EPHA3: variants seen among roughly 807,000 people sequenced by gnomAD.
EPHA3 encodes ephrin type-A receptor 3.
Under a neutral mutation model 107.1 loss-of-function variants are expected in EPHA3, and 42 were observed. The ratio of observed to expected loss-of-function variants is 0.39; its 90% CI spans 0.31 to 0.51. The LOEUF (loss-of-function observed/expected upper bound fraction) is 0.51. Among genes scored for constraint, EPHA3 ranks in the 20% least tolerant of loss-of-function variants. The pLI is 0.78. For missense variants in EPHA3, 1,183 were observed against 1,211.2 expected, an observed-to-expected ratio of 0.98 and a Z score of 0.35; for synonymous variants, 461 against 424.8, an observed-to-expected ratio of 1.09 and a Z score of -1.05.
At position 89,481,573 on chromosome 3, in the gene EPHA3, T is replaced by C. The variant is rs1212422848; in HGVS notation, c.*2071T>C. 6 of 232,554 alleles carry C rather than the reference T, an allele frequency of 2.6e-5. No individual in the cohort carries two copies. The highest frequency in any genetic ancestry group is 1.3e-4 in the African/African-American group (6 of 45,330). The allele number at this position is 232,554 out of a possible 1,614,324, so 14.4% of individuals were successfully genotyped here. On this transcript the variant is annotated 3_prime_UTR_variant, in exon 17 of 17. Transcript: ENST00000336596. ...AACAAAACCCATGCATTTCATAAACTAATAGAAGTTGAGGATTGTTGAATC... is the reference window on the plus strand; with the variant it reads ...AACAAAACCCATGCATTTCATAAACCAATAGAAGTTGAGGATTGTTGAATC...
intron 2 of EPHA3, among the ~76,000 whole-genome samples, chr3:89,134,011 A>G (rs1275617495): frequency 3.4e-5 from 5 of 147,322 alleles, no homozygotes; most frequent in Non-Finnish European, 5.9e-5. Flanking sequence ...AGAAAATGAC[A>G]CTTCAAAACA....
intron 5 of EPHA3, among the ~76,000 whole-genome samples, chr3:89,392,600 T>TG (rs1192788176): frequency 1.3e-5 from 2 of 152,164 alleles, no homozygotes; most frequent in Non-Finnish European, 2.9e-5. Context: ...AGTTTTTTTT[T>TG]TCCATTTTGT....
chr3:89,345,287 A>G (rs1707618107), intron 5 of EPHA3, among the ~76,000 whole-genome samples: 1 of 151,284 alleles, frequency 6.6e-6, no homozygotes, highest in African/African-American at 2.4e-5. Context: ...ATATCTGAGA[A>G]GCTTTTTCAA....
At chr3:89,380,846 G>A (rs1429874744) in intron 5 of EPHA3, among the ~76,000 whole-genome samples, 2 of 149,752 alleles carry the variant, frequency 1.3e-5, no homozygotes, top group East Asian at 2.0e-4. Context: ...TTGGCTCACC[G>A]CAACCTCCGC....
intron 15 of EPHA3, among the ~76,000 whole-genome samples, chr3:89,454,142 C>T (rs1710052581): frequency 6.6e-6 from 1 of 151,998 alleles, no homozygotes; most frequent in African/African-American, 2.4e-5. Flanking sequence ...TATAAAAATG[C>T]CAGGTGATTT....
At chr3:89,256,966 G>C (rs536729714) in intron 3 of EPHA3, among the ~76,000 whole-genome samples, 8 of 152,220 alleles carry the variant, frequency 5.3e-5, no homozygotes, top group African/African-American at 1.9e-4. Context: ...TTTTTTTGCT[G>C]ATACAGATTG....
chr3:89,355,031 C>T (rs556192163), intron 5 of EPHA3, among the ~76,000 whole-genome samples: 1 of 151,140 alleles, frequency 6.6e-6, no homozygotes, highest in South Asian at 2.1e-4. Flanking sequence ...TTCAAAAGCA[C>T]CCTCTTGACA....
chr3:89,148,915 A>G (rs1301806393), intron 2 of EPHA3, among the ~76,000 whole-genome samples: 5 of 152,038 alleles, frequency 3.3e-5, no homozygotes, highest in Non-Finnish European at 5.9e-5. Flanking sequence ...ACATATTATT[A>G]TTTCATTGGA....
chr3:89,419,493 C>A, intron 11 of EPHA3, 103 bp downstream of exon 11: 1 of 989,414 alleles, frequency 1.0e-6, no homozygotes, highest in Non-Finnish European at 1.4e-6. Flanking sequence ...TCATAAGTAT[C>A]TCAGTTTTAC....
chr3:89,187,184 T>G (rs1424350595), intron 2 of EPHA3, among the ~76,000 whole-genome samples: 1 of 146,222 alleles, frequency 6.8e-6, no homozygotes, highest in African/African-American at 2.5e-5. Flanking sequence ...AAAAGCCCTT[T>G]CTTATTACAT....
intron 3 of EPHA3, among the ~76,000 whole-genome samples, chr3:89,299,584 A>G (rs534668479): frequency 6.6e-6 from 1 of 152,174 alleles, no homozygotes; most frequent in South Asian, 2.1e-4. Context: ...ACTTCATTTA[A>G]TCACTACAGC....
At chr3:89,122,783 T>G (rs1158857389) in intron 1 of EPHA3, among the ~76,000 whole-genome samples, 1 of 152,222 alleles carries the variant, frequency 6.6e-6, no homozygotes, top group Non-Finnish European at 1.5e-5. Flanking sequence ...CTGGGAACAT[T>G]TGTTTCAAGC....
At chr3:89,270,583 T>C (rs981038681) in intron 3 of EPHA3, among the ~76,000 whole-genome samples, 4 of 152,126 alleles carry the variant, frequency 2.6e-5, no homozygotes, top group South Asian at 2.1e-4. Flanking sequence ...ACCTCTCTTA[T>C]TGAGTGTTTC....
chr3:89,468,966 A>C (rs1037877336), intron 15 of EPHA3, among the ~76,000 whole-genome samples: 9 of 152,168 alleles, frequency 5.9e-5, no homozygotes, highest in Non-Finnish European at 1.2e-4. Context: ...AGTCGTTTGC[A>C]TATATGTTTC....
At chr3:89,265,578 A>G (rs1705517992) in intron 3 of EPHA3, among the ~76,000 whole-genome samples, 1 of 152,148 alleles carries the variant, frequency 6.6e-6, no homozygotes, top group African/African-American at 2.4e-5. Flanking sequence ...ATTTAGGATA[A>G]AGCAGTTTAA....
At chr3:89,417,375 T>TCACTTA (rs1709269661) in intron 10 of EPHA3, among the ~76,000 whole-genome samples, 1 of 151,504 alleles carries the variant, frequency 6.6e-6, no homozygotes, top group Admixed American at 6.6e-5. Context: ...TTAGAATATG[T>TCACTTA]GATGATGACA....
chr3:89,253,442 A>T (rs895739412), intron 3 of EPHA3, among the ~76,000 whole-genome samples: 39 of 152,268 alleles, frequency 2.6e-4, no homozygotes, highest in African/African-American at 9.4e-4. Context: ...TCTCAAAAAC[A>T]TACATGGCTT....
At chr3:89,264,451 CT>C (rs1335823204) in intron 3 of EPHA3, among the ~76,000 whole-genome samples, 11 of 152,142 alleles carry the variant, frequency 7.2e-5, no homozygotes. Context: ...CCACCAACTC[CT>C]ACCTCCCTCG....
In EPHA3 at chr3:89,210,491, G is replaced by C; in HGVS notation, c.785G>C (p.Gly262Ala). The part of the protein sequence containing the change: ...VPIGKCSCNA[G>A]YEERGFMCQA... ...ATTGGCAAGTGTTCCTGCAATGCTG[G>C]CTATGAAGAAAGAGGTTTTATGTGC... is the stretch of plus-strand genomic sequence containing the variant. Residue 262 changes from glycine (G) to alanine (A), a missense_variant, in exon 3 of 17, where the codon GGC becomes GCC. By Grantham distance (60) the Gly-to-Ala change is moderately conservative. Coordinates refer to ENST00000336596, the MANE Select transcript of EPHA3 (RefSeq NM_005233.6). 1 of 1,564,176 alleles carries C rather than the reference G, an allele frequency of 6.4e-7. No homozygotes were observed.
Sources: gnomAD v4.1 joint callset for allele counts (sites outside exome capture counted in the v4.1 genomes callset) on GRCh38, gnomAD v4.1.1 for gene constraint, MANE v1.5 for transcripts, NCBI Gene and HGNC (gene_info 2026-07-23, HGNC 2026-07-21) for gene names.